Variants in ANXA7 observed in about 807,000 individuals in gnomAD.
ANXA7 encodes the protein annexin VII.
Under a neutral mutation model 64.9 loss-of-function variants are expected in ANXA7, and 55 were observed. That is an observed-to-expected ratio of 0.85 (90% CI 0.68 to 1.06). ANXA7 has a LOEUF of 1.06. Among genes scored for constraint, ANXA7 ranks in the 50% least tolerant of loss-of-function variants. ANXA7 has a pLI of 0.00. For missense variants in ANXA7, 548 were observed against 582.1 expected, an observed-to-expected ratio of 0.94 and a Z score of 0.60; for synonymous variants, 200 against 192.4, an observed-to-expected ratio of 1.04 and a Z score of -0.33.
chr10:73,383,463 T>C, intron 8 of ANXA7, 114 bp downstream of exon 8: 4 of 1,262,098 alleles, frequency 3.2e-6, no homozygotes, highest in Non-Finnish European at 4.4e-6. Flanking sequence ...AGATGGATGA[T>C]GTGAAATAAA....
chr10:73,404,552 A>G (rs557628657), intron 1 of ANXA7, among the ~76,000 whole-genome samples: 7 of 152,306 alleles, frequency 4.6e-5, no homozygotes, highest in African/African-American at 1.4e-4. Flanking sequence ...TCTATATAAT[A>G]TAGTGCAGGA....
At chr10:73,403,238 C>T (rs2055700424) in intron 1 of ANXA7, among the ~76,000 whole-genome samples, 1 of 152,162 alleles carries the variant, frequency 6.6e-6, no homozygotes, top group Non-Finnish European at 1.5e-5. Flanking sequence ...CTGTAAATCC[C>T]AGCACTTTGG....
intron 1 of ANXA7, among the ~76,000 whole-genome samples, chr10:73,407,481 C>A (rs957271012): frequency 5.3e-5 from 8 of 152,052 alleles, no homozygotes; most frequent in African/African-American, 1.9e-4. Flanking sequence ...CTAAAGCTTT[C>A]AGGTGATATG....
Position 73,398,198 on chromosome 10 carries a change from G to T in ANXA7, c.242C>A (p.Ala81Asp). The change falls in exon 3 of 13, where the codon GCT becomes GAT. Residue 81 changes from alanine to aspartate, a missense_variant. Ala to Asp is a moderately radical substitution (Grantham distance 126). Transcript: ENST00000372921. Reference protein sequence around the residue: ...GYPGAPQPGGAPSYPGVPPGQ... With the variant: ...GYPGAPQPGGDPSYPGVPPGQ... ...TAACTCACCTCCGGGATAGGATGGA[G>T]CTCCCCCTGGCTGTGGGGCACCAGG... The T allele has an allele frequency of 6.2e-7, 1 of 1,612,348 alleles. No individual in the cohort carries two copies. Among genetic ancestry groups the T allele is most frequent in the Non-Finnish European group, 8.5e-7 (1 of 1,178,920 alleles).
At chr10:73,396,470 T>C in intron 5 of ANXA7, 49 bp downstream of exon 5, 1 of 1,413,660 alleles carries the variant, frequency 7.1e-7, no homozygotes, top group Non-Finnish European at 9.8e-7. Context: ...GATAGGTTCC[T>C]TCTTTATCTA....
chr10:73,412,902 A>G (rs982936287), intron 1 of ANXA7, among the ~76,000 whole-genome samples: 3 of 151,900 alleles, frequency 2.0e-5, no homozygotes, highest in African/African-American at 4.8e-5. Context: ...TCAGTTAGTA[A>G]AAGGGCTGGG....
At chr10:73,381,653 T>A (rs528128307) in intron 9 of ANXA7, 1 of 152,372 alleles carries the variant, frequency 6.6e-6, no homozygotes, top group South Asian at 2.1e-4. Flanking sequence ...CCTCTACTCA[T>A]GCCCTGGAAA....
At chr10:73,408,811 C>G (rs1180225871) in intron 1 of ANXA7, among the ~76,000 whole-genome samples, 1 of 152,038 alleles carries the variant, frequency 6.6e-6, no homozygotes, top group African/African-American at 2.4e-5. Flanking sequence ...GGTTAAAAAC[C>G]ATGTGAATGT....
At chr10:73,380,915 CTG>C (rs1441739211) in intron 9 of ANXA7, among the ~76,000 whole-genome samples, 3 of 152,196 alleles carry the variant, frequency 2.0e-5, no homozygotes, top group Non-Finnish European at 4.4e-5. Flanking sequence ...GTGTCAGGCA[CTG>C]TGTTAAGCGG....
intron 1 of ANXA7, among the ~76,000 whole-genome samples, chr10:73,413,036 A>G (rs1200654719): frequency 6.6e-6 from 1 of 151,994 alleles, no homozygotes; most frequent in Non-Finnish European, 1.5e-5. Flanking sequence ...AGCGAATACA[A>G]TTTTGCAAAA....
intron 6 of ANXA7, 137 bp from the exon 7 acceptor site, chr10:73,387,920 A>T: frequency 4.5e-6 from 3 of 662,726 alleles, no homozygotes; most frequent in Admixed American, 2.9e-5. Flanking sequence ...GGTGTGATCT[A>T]GGCTGACTGC....
chr10:73,404,593 T>C (rs1337288075), intron 1 of ANXA7, among the ~76,000 whole-genome samples: 1 of 152,140 alleles, frequency 6.6e-6, no homozygotes, highest in African/African-American at 2.4e-5. Flanking sequence ...CAGGAGTTGA[T>C]AACTGCTCAC....
rs934678077 is a variant in ANXA7 at position 73,389,812 on chromosome 10, C to T, written c.436-1398G>A. Among the ~76,000 whole-genome samples, 221 of 152,042 alleles carry T rather than the reference C, an allele frequency of 1.5e-3. 2 individuals are homozygous for T. Among genetic ancestry groups the T allele is most frequent in the South Asian group, 2.1e-4 (1 of 4,822 alleles). ...AGCTAATTTCTTACTTTTGTAGAGA[C>T]GGGGGTCTTGCTATGTTGCCCAGGC... On this transcript the variant is annotated intron_variant, in intron 5 of 12. Transcript: ENST00000372921.
At chr10:73,392,932 T>C (rs2055509905) in intron 5 of ANXA7, among the ~76,000 whole-genome samples, 1 of 152,210 alleles carries the variant, frequency 6.6e-6, no homozygotes, top group African/African-American at 2.4e-5. Flanking sequence ...GCAGATGACA[T>C]GATTGTATAT....
intron 1 of ANXA7, among the ~76,000 whole-genome samples, chr10:73,404,078 AATTC>A (rs2055715136): frequency 6.6e-6 from 1 of 152,228 alleles, no homozygotes; most frequent in South Asian, 2.1e-4. Flanking sequence ...GGCTTTTATT[AATTC>A]ATTATAACAC....
intron 1 of ANXA7, among the ~76,000 whole-genome samples, chr10:73,409,238 A>G (rs1322091215): frequency 1.3e-5 from 2 of 152,236 alleles, no homozygotes; most frequent in African/African-American, 4.8e-5. Context: ...CACTGTTTGC[A>G]GATATTATGA....
chr10:73,397,417 T>C (rs1275870180), intron 3 of ANXA7, 143 bp from the exon 4 acceptor site: 2 of 425,188 alleles, frequency 4.7e-6, no homozygotes, highest in Non-Finnish European at 4.2e-6. Context: ...ATTCAAAACT[T>C]CAAATTCTCC....
chr10:73,383,049 G>T, intron 9 of ANXA7, 126 bp downstream of exon 9: 1 of 769,274 alleles, frequency 1.3e-6, no homozygotes, highest in Non-Finnish European at 2.0e-6. Context: ...TTTCTGTGTT[G>T]TCCCTCTTAA....
intron 4 of ANXA7, 115 bp downstream of exon 4, chr10:73,397,049 T>G: frequency 2.1e-6 from 1 of 480,888 alleles, no homozygotes; most frequent in Non-Finnish European, 3.7e-6. Flanking sequence ...AAATTATTTA[T>G]GGAAATATAA....
Sources: allele counts gnomAD v4.1 joint callset (sites outside exome capture counted in the v4.1 genomes callset), GRCh38; gene constraint gnomAD v4.1.1; transcripts MANE v1.5; gene names NCBI Gene and HGNC (gene_info 2026-07-23, HGNC 2026-07-21).